The following NRXN1 variants were observed in gnomAD, a reference collection of about 807,000 sequenced individuals.
NRXN1 encodes the protein neurexin-1.
In NRXN1, 39 loss-of-function variants were observed where a neutral mutation model predicts 150.9. That is an observed-to-expected ratio of 0.26 (90% confidence interval 0.20 to 0.34). The LOEUF (loss-of-function observed/expected upper bound fraction) is 0.34, where lower values mean the gene tolerates loss of function less well. Among genes scored for constraint, NRXN1 ranks in the 10% least tolerant of loss-of-function variants. The probability of loss-of-function intolerance (pLI) is 1.00; values close to 1 mark genes in which losing one functional copy is unlikely to be tolerated. For synonymous variants in NRXN1, 924 were observed against 757.0 expected (o/e 1.22, Z -3.62); for missense variants, 1,815 against 1,949.9 (o/e 0.93, Z 1.30).
At chr2:49,937,716 G>GT (rs778714997) in intron 22 of NRXN1, among the ~76,000 whole-genome samples, 64 of 152,126 alleles carry the variant, frequency 4.2e-4, no homozygotes, top group Non-Finnish European at 7.9e-4. Flanking sequence ...CATTGCTACT[G>GT]TTTTTCTGGC....
intron 10 of NRXN1, among the ~76,000 whole-genome samples, chr2:50,534,714 G>A (rs897476496): frequency 6.6e-6 from 1 of 152,084 alleles, no homozygotes; most frequent in African/African-American, 2.4e-5. Context: ...ATAGATAAAA[G>A]GATCAAAACA....
chr2:50,942,576 G>C (rs531352308), intron 2 of NRXN1, among the ~76,000 whole-genome samples: 2 of 152,298 alleles, frequency 1.3e-5, no homozygotes, highest in East Asian at 1.9e-4. Flanking sequence ...AGCCAGGGGA[G>C]ATTATTTTGG....
chr2:50,353,114 C>T (rs1558583156), intron 17 of NRXN1, among the ~76,000 whole-genome samples: 1 of 151,990 alleles, frequency 6.6e-6, no homozygotes, highest in African/African-American at 2.4e-5. Context: ...GACTTGGAAA[C>T]GTGACTAGAT....
Position 50,441,251 on chromosome 2 carries a change from T to A in NRXN1, c.3364+24191A>T, listed in dbSNP as rs6720605. Among the ~76,000 whole-genome samples, 378 of 152,316 alleles carry A rather than the reference T, an allele frequency of 2.5e-3. 3 individuals are homozygous for A. Among genetic ancestry groups the A allele is most frequent in the African/African-American group, 8.7e-3 (360 of 41,580 alleles). On this transcript the variant is annotated intron_variant, in intron 17 of 22. Transcript: ENST00000401669. Reference sequence around the variant, plus strand: ...ACTTGTCTTAGGGGTCCCCAAATTATAAATTGGCTATATAATTACCTATTT... The same window carrying A: ...ACTTGTCTTAGGGGTCCCCAAATTAAAAATTGGCTATATAATTACCTATTT...
At chr2:50,103,211 T>A (rs1489860878) in intron 18 of NRXN1, among the ~76,000 whole-genome samples, 1 of 152,242 alleles carries the variant, frequency 6.6e-6, no homozygotes, top group East Asian at 1.9e-4. Context: ...AGATTCATCA[T>A]TCTACGCTCA....
chr2:50,027,400 T>C (rs1176712595), intron 21 of NRXN1, among the ~76,000 whole-genome samples: 2 of 146,612 alleles, frequency 1.4e-5, no homozygotes, highest in South Asian at 4.7e-4. Flanking sequence ...CTTCCTTCCT[T>C]CCTCCCTCCC....
chr2:50,195,110 T>C (rs2061676043), intron 18 of NRXN1, among the ~76,000 whole-genome samples: 2 of 152,182 alleles, frequency 1.3e-5, no homozygotes, highest in Non-Finnish European at 2.9e-5. Flanking sequence ...ACCTCAGATA[T>C]ATCCTGGACT....
At chr2:50,541,970 A>G (rs185541346) in intron 9 of NRXN1, among the ~76,000 whole-genome samples, 159 of 152,284 alleles carry the variant, frequency 1.0e-3, no homozygotes, top group African/African-American at 3.7e-3. Flanking sequence ...TTGAGAGACA[A>G]TTGTAGAGTT....
intron 8 of NRXN1, among the ~76,000 whole-genome samples, chr2:50,579,216 A>G (rs1476614244): frequency 6.6e-6 from 1 of 152,212 alleles, no homozygotes; most frequent in African/African-American, 2.4e-5. Context: ...ACCAGGAGGA[A>G]AACTGATTAT....
At chr2:50,130,449 C>T (rs558738390) in intron 18 of NRXN1, among the ~76,000 whole-genome samples, 17 of 152,218 alleles carry the variant, frequency 1.1e-4, no homozygotes, top group African/African-American at 3.6e-4. Flanking sequence ...GCTCAGAGAA[C>T]CAATCCACCT....
chr2:51,009,438 T>C (rs1343308637), intron 2 of NRXN1, among the ~76,000 whole-genome samples: 1 of 151,956 alleles, frequency 6.6e-6, no homozygotes, highest in African/African-American at 2.4e-5. Flanking sequence ...ATAGGCATTC[T>C]AGTGTAGCAT....
chr2:50,178,512 G>A (rs1033786546), intron 18 of NRXN1, among the ~76,000 whole-genome samples: 1 of 151,986 alleles, frequency 6.6e-6, no homozygotes, highest in African/African-American at 2.4e-5. Context: ...CCTACAGAAG[G>A]TTGGAAACAA....
rs556385837 is a variant in NRXN1 at position 50,047,438 on chromosome 2, C to A, written c.4128+5833G>T. Among the ~76,000 whole-genome samples the A allele has an allele frequency of 3.3e-5, 5 of 152,064 alleles. No individual in the cohort carries two copies. In the South Asian group the frequency reaches 6.2e-4, roughly 19 times the overall value. ...AGCCAGAGGACCACAGAGGCCAGGT[C>A]CTTCTAGAGGTTAGGAGCAGGTAAA... On this transcript the variant is annotated intron_variant, in intron 21 of 22. Coordinates refer to ENST00000401669, the MANE Select transcript of NRXN1 (RefSeq NM_001330078.2).
At chr2:50,105,241 C>T (rs979976776) in intron 18 of NRXN1, 8 of 152,078 alleles carry the variant, frequency 5.3e-5, no homozygotes, top group African/African-American at 1.9e-4. Context: ...CGCAGCAATT[C>T]CTCTTTCATG....
intron 5 of NRXN1, among the ~76,000 whole-genome samples, chr2:50,822,538 T>G (rs1669889243): frequency 1.3e-5 from 2 of 152,094 alleles, no homozygotes; most frequent in Admixed American, 6.5e-5. Flanking sequence ...AGCCTATAGA[T>G]CCTTTAATGA....
At chr2:50,474,336 A>G (rs1169185732) in intron 15 of NRXN1, among the ~76,000 whole-genome samples, 1 of 151,880 alleles carries the variant, frequency 6.6e-6, no homozygotes, top group Non-Finnish European at 1.5e-5. Flanking sequence ...TGGAGTTTAC[A>G]TAAGAAAAGT....
chr2:49,959,759 T>C (rs1675589793), intron 21 of NRXN1, among the ~76,000 whole-genome samples: 1 of 152,206 alleles, frequency 6.6e-6, no homozygotes, highest in Admixed American at 6.5e-5. Flanking sequence ...TCAAAATAAA[T>C]ATTGGCTATT....
At chr2:50,054,803 A>T (rs1452234354) in intron 20 of NRXN1, among the ~76,000 whole-genome samples, 152 bp downstream of exon 20, 6 of 152,172 alleles carry the variant, frequency 3.9e-5, no homozygotes, top group Non-Finnish European at 1.5e-5. Flanking sequence ...AAGGTATGCA[A>T]ATATTACTAT....
At chr2:50,220,417 A>T (rs969156876) in intron 18 of NRXN1, among the ~76,000 whole-genome samples, 1 of 151,958 alleles carries the variant, frequency 6.6e-6, no homozygotes, top group African/African-American at 2.4e-5. Context: ...AATTCTGAAA[A>T]GATGCAGAAT....
Sources: gnomAD v4.1 joint callset for allele counts (sites outside exome capture counted in the v4.1 genomes callset) on GRCh38, gnomAD v4.1.1 for gene constraint, MANE v1.5 for transcripts, NCBI Gene and HGNC (gene_info 2026-07-23, HGNC 2026-07-21) for gene names.